The following IL17RE variants were observed in gnomAD, a reference collection of about 807,000 sequenced individuals.
The protein encoded by IL17RE is interleukin-17 receptor E.
A neutral mutation model predicts 70.7 loss-of-function variants in IL17RE; 47 were observed. The ratio of observed to expected loss-of-function variants is 0.67; its 90% confidence interval spans 0.53 to 0.85. The LOEUF (loss-of-function observed/expected upper bound fraction) is 0.85. Ranked by LOEUF, IL17RE falls within the 40% of genes least tolerant of loss-of-function variation. The pLI is 0.00. For synonymous variants in IL17RE, 372 were observed against 381.2 expected (o/e 0.98, Z 0.28); for missense variants, 850 against 893.9 (o/e 0.95, Z 0.63).
intron 7 of IL17RE, 139 bp from the exon 8 acceptor site, chr3:9,909,078 G>C: frequency 1.6e-6 from 1 of 609,108 alleles, no homozygotes; most frequent in Non-Finnish European, 3.0e-6. Context: ...ACCCCACATT[G>C]CCCCCTCCTG....
In IL17RE at chr3:9,915,505, A is replaced by G. The variant is rs2083022524; in HGVS notation, c.1702A>G (p.Ser568Gly). 5 of 1,313,708 alleles carry G rather than the reference A, an allele frequency of 3.8e-6. No individual in the cohort carries two copies. The highest frequency in any genetic ancestry group is 4.8e-6 in the Non-Finnish European group (5 of 1,040,568). The allele number at this position is 1,313,708 out of a possible 1,614,324, so 81.4% of individuals were successfully genotyped here. Residue 568 changes from serine to glycine, a missense_variant, in exon 16 of 16, where the codon AGC becomes GGC. Physicochemically the swap from Ser to Gly is moderately conservative, Grantham distance 56. Transcript: ENST00000383814. This position sits in a 1 kb window ranked among gnomAD's most constrained non-coding sequence, Gnocchi z 4.9. ...GAGCGGCGCCGACCTTCGCCCGGTC[A>G]GCGGCCCCGACCCCCGCGCCGCGCC... ...LWSGADLRPVSGPDPRAAPLL... is the reference protein window; with the variant it reads ...LWSGADLRPVGGPDPRAAPLL...
In IL17RE at chr3:9,911,614, A is replaced by C; in HGVS notation, c.1227+17A>C. 1 of 1,605,560 alleles carries C rather than the reference A, an allele frequency of 6.2e-7. No individual in the cohort carries two copies. The highest frequency in any genetic ancestry group is 8.5e-7 in the Non-Finnish European group (1 of 1,173,230). On this transcript the variant is annotated intron_variant, in intron 12 of 15. Coordinates refer to ENST00000383814, the MANE Select transcript of IL17RE (RefSeq NM_153480.2). ...GTCAGCCAGGTATGGCCTCGCCCCC[A>C]CTAGGTCCTATTGCTCAGAGCACAG...
chr3:9,911,672 AC>A, intron 12 of IL17RE, 75 bp downstream of exon 12: 1 of 1,375,364 alleles, frequency 7.3e-7, no homozygotes. Context: ...ATTGAGATAG[AC>A]CCTGGGAAGG....
At position 9,913,945 on chromosome 3, in the gene IL17RE, T is replaced by A; in HGVS notation, c.1228-11T>A. 6.2e-7 allele frequency: 1 copy of A among 1,613,040 alleles called. No homozygotes were observed. Among genetic ancestry groups the A allele is most frequent in the Non-Finnish European group, 8.5e-7 (1 of 1,178,982 alleles). On this transcript the variant is annotated splice_polypyrimidine_tract_variant and intron_variant, in intron 12 of 15. Transcript: ENST00000383814. Reference sequence around the variant, plus strand: ...CCCTGGGGACAGCCTTTCTGCTCTTTGTTTCTACAGGCCCGGGGCTCAAGC... The same window carrying A: ...CCCTGGGGACAGCCTTTCTGCTCTTAGTTTCTACAGGCCCGGGGCTCAAGC...
At position 9,902,853 on chromosome 3, in the gene IL17RE, C is replaced by A. The variant is rs766172697; in HGVS notation, c.-80C>A. Reference sequence around the variant, plus strand: ...CGAGGGCTCCTGCTGGTACTGTGTTCGCTGCTGCACAGCAAGGCCCTGCCA... The same window carrying A: ...CGAGGGCTCCTGCTGGTACTGTGTTAGCTGCTGCACAGCAAGGCCCTGCCA... On this transcript the variant is annotated 5_prime_UTR_variant, in exon 1 of 16. Transcript: ENST00000383814. The A allele has an allele frequency of 1.9e-6, 3 of 1,609,904 alleles. No individual in the cohort carries two copies. Among genetic ancestry groups the A allele is most frequent in the Non-Finnish European group, 2.5e-6 (3 of 1,178,274 alleles).
chr3:9,902,911 A>G lies in IL17RE; in HGVS notation c.-22A>G. 1 of 1,614,188 alleles carries G rather than the reference A, an allele frequency of 6.2e-7. No individual in the cohort carries two copies. Among genetic ancestry groups the G allele is most frequent in the Non-Finnish European group, 8.5e-7 (1 of 1,180,016 alleles). On this transcript the variant is annotated 5_prime_UTR_variant, in exon 1 of 16. Coordinates refer to ENST00000383814, the MANE Select transcript of IL17RE (RefSeq NM_153480.2). ...TCAGGCCATGCAGCCATGTTCCGGG[A>G]GCCCTAATTGCACAGAAGCCCATGG...
intron 3 of IL17RE, among the ~76,000 whole-genome samples, chr3:9,904,414 C>A (rs2082705364): frequency 6.6e-6 from 1 of 152,178 alleles, no homozygotes; most frequent in African/African-American, 2.4e-5. Flanking sequence ...AGAGCAGGAT[C>A]TTCTTTCTTA....
intron 13 of IL17RE, 67 bp from the exon 14 acceptor site, chr3:9,914,481 G>A (rs1352224499): frequency 6.2e-7 from 1 of 1,601,728 alleles, no homozygotes; most frequent in Admixed American, 1.7e-5. Flanking sequence ...CCAGCTCCAT[G>A]CTTCACTCAG....
At chr3:9,904,403 T>C (rs2082704982) in intron 3 of IL17RE, among the ~76,000 whole-genome samples, 1 of 152,238 alleles carries the variant, frequency 6.6e-6, no homozygotes, top group South Asian at 2.1e-4. Flanking sequence ...CATCTATTTG[T>C]AGAGCAGGAT....
At chr3:9,902,498 T>G, upstream of IL17RE, 2 of 874,064 alleles carry the variant, frequency 2.3e-6, no homozygotes, top group Non-Finnish European at 3.7e-6. Context: ...GCTTAAGAGC[T>G]CGGCTAATTC....
Position 9,915,719 on chromosome 3 carries a change from G to T in IL17RE, c.1916G>T (p.Arg639Leu). Residue 639 changes from arginine to leucine, a missense_variant, in exon 16 of 16, where the codon CGC becomes CTC. Transcript: ENST00000383814. This position sits in a 1 kb window ranked among gnomAD's most constrained non-coding sequence, Gnocchi z 4.9. ...TTCGCAGAGGCCACCAGCTGGGGCCGCCTTGGGGCGCGGCAGCGCAGGCAG... is the reference window on the plus strand; with the variant it reads ...TTCGCAGAGGCCACCAGCTGGGGCCTCCTTGGGGCGCGGCAGCGCAGGCAG... The part of the protein sequence containing the change: ...RPFAEATSWG[R>L]LGARQRRQSR... 1 of 1,429,714 alleles carries T rather than the reference G, an allele frequency of 7.0e-7. No individual in the cohort carries two copies. Among genetic ancestry groups the T allele is most frequent in the Non-Finnish European group, 9.1e-7 (1 of 1,104,312 alleles). 88.6% of individuals were successfully genotyped at this position (1,429,714 alleles called of 1,614,324 possible).
chr3:9,908,371 T>C lies in IL17RE; in HGVS notation c.735+64T>C, dbSNP rs73814304. 7.7e-4 allele frequency: 1,080 copies of C among 1,407,800 alleles called. 5 individuals carry two copies. The African/African-American group carries it at 0.013, about 17-fold the overall frequency. 87.2% of individuals were successfully genotyped at this position (1,407,800 alleles called of 1,614,324 possible). A position where few individuals can be genotyped will look rare whatever the true frequency, so the allele number is the denominator to read the frequency against. On this transcript the variant is annotated intron_variant, in intron 7 of 15. Transcript: ENST00000383814. ...CTCCTAAGCCCCCAAGGTAGCGCAG[T>C]TGGTCAAGTATATCTCCAGTAAATT...
At chr3:9,905,742 G>T (rs998721128) in intron 3 of IL17RE, among the ~76,000 whole-genome samples, 1 of 151,140 alleles carries the variant, frequency 6.6e-6, no homozygotes, top group African/African-American at 2.4e-5. Flanking sequence ...ATCGCTTGAA[G>T]CCAGGAGGCG....
chr3:9,902,736 C>A (rs902560155), upstream of IL17RE: 203 of 1,533,812 alleles, frequency 1.3e-4, no homozygotes, highest in Non-Finnish European at 1.6e-4. Context: ...TTTCCTCAGT[C>A]CCTCCACTTG....
intron 7 of IL17RE, among the ~76,000 whole-genome samples, 165 bp downstream of exon 7, chr3:9,908,472 T>C (rs1236898478): frequency 6.6e-6 from 1 of 152,146 alleles, no homozygotes; most frequent in African/African-American, 2.4e-5. Flanking sequence ...ACACATGGGG[T>C]CAGAGGTGGA....
At chr3:9,908,150 G>C in intron 6 of IL17RE, 89 bp from the exon 7 acceptor site, 1 of 1,083,052 alleles carries the variant, frequency 9.2e-7, no homozygotes, top group East Asian at 2.4e-5. Flanking sequence ...GGGTGTGTTG[G>C]CCAAGATCCC....
intron 2 of IL17RE, among the ~76,000 whole-genome samples, 186 bp from the exon 3 acceptor site, chr3:9,903,846 C>T (rs1170424033): frequency 2.0e-5 from 3 of 152,202 alleles, no homozygotes; most frequent in Admixed American, 1.3e-4. Context: ...TTTTCCCATA[C>T]ACTACAATTT....
Position 9,911,031 on chromosome 3 carries a change from G to T in IL17RE, c.969G>T (p.Glu323Asp), listed in dbSNP as rs1014625209. The T allele has an allele frequency of 1.2e-6, 2 of 1,614,064 alleles. No homozygotes were observed. The highest frequency in any genetic ancestry group is 1.7e-5 in the Admixed American group (1 of 59,998). Residue 323 changes from glutamate (E) to aspartate (D), a missense_variant, in exon 9 of 16, where the codon GAG becomes GAT. Glu to Asp is a conservative substitution (Grantham distance 45). Transcript: ENST00000383814. ...CKDLPNATAR[E>D]SDGWYVLEKV... The stretch of plus-strand genomic sequence containing the variant: ...ACCTCCCGAATGCCACAGCTCGAGA[G>T]TCAGATGGGGTGAGGACAGGTTCCC...
chr3:9,911,828 G>T (rs1417264600), intron 12 of IL17RE: 2 of 418,798 alleles, frequency 4.8e-6, no homozygotes, highest in Non-Finnish European at 8.5e-6. Context: ...TTGAGACAGA[G>T]TCTCGCTCTG....
Sources: gnomAD v4.1 joint callset for allele counts (sites outside exome capture counted in the v4.1 genomes callset) on GRCh38, gnomAD v4.1.1 for gene constraint, Gnocchi (gnomAD v3.1) non-coding constraint, MANE v1.5 for transcripts, NCBI Gene and HGNC (gene_info 2026-07-23, HGNC 2026-07-21) for gene names.